Variants in SEMA5B observed in about 807,000 individuals in gnomAD.
The protein encoded by SEMA5B is semaphorin 5B.
SEMA5B carries 66 observed loss-of-function variants against 135.0 expected under a neutral mutation model. That is an observed-to-expected ratio of 0.49 (90% CI 0.40 to 0.60). SEMA5B has a LOEUF of 0.60. Among genes scored for constraint, SEMA5B ranks in the 20% least tolerant of loss-of-function variants. The pLI is 0.00. For missense variants in SEMA5B, 1,501 were observed against 1,566.3 expected, an observed-to-expected ratio of 0.96 and a Z score of 0.70; for synonymous variants, 690 against 639.5, an observed-to-expected ratio of 1.08 and a Z score of -1.19.
At chr3:123,017,191 A>T (rs1388102757) in intron 1 of SEMA5B, among the ~76,000 whole-genome samples, 1 of 152,048 alleles carries the variant, frequency 6.6e-6, no homozygotes, top group Non-Finnish European at 1.5e-5. Flanking sequence ...CCTGGCCCAG[A>T]TGCATTTTTT....
At chr3:122,993,986 G>A (rs1302066521) in intron 1 of SEMA5B, among the ~76,000 whole-genome samples, 1 of 151,732 alleles carries the variant, frequency 6.6e-6, no homozygotes, top group Non-Finnish European at 1.5e-5. Flanking sequence ...TTCTCCATAA[G>A]CCTCAGAAGC....
At chr3:122,983,774 G>A (rs960228945) in intron 1 of SEMA5B, among the ~76,000 whole-genome samples, 11 of 132,212 alleles carry the variant, frequency 8.3e-5, no homozygotes, top group Admixed American at 3.2e-4. Context: ...GGCTACTGAT[G>A]TTTACCAAAT....
At chr3:122,989,313 C>G (rs2107711295) in intron 1 of SEMA5B, among the ~76,000 whole-genome samples, 1 of 152,322 alleles carries the variant, frequency 6.6e-6, no homozygotes, top group Non-Finnish European at 1.5e-5. Flanking sequence ...GGGCTGTGAG[C>G]TGGGGTCTGC....
intron 1 of SEMA5B, among the ~76,000 whole-genome samples, chr3:122,980,494 C>A (rs1189364664): frequency 6.6e-6 from 1 of 151,138 alleles, no homozygotes; most frequent in Non-Finnish European, 1.5e-5. Context: ...AGGAAGCGCT[C>A]CCTGTTTCAG....
intron 4 of SEMA5B, among the ~76,000 whole-genome samples, chr3:122,943,071 C>T (rs1489251153): frequency 1.3e-5 from 2 of 152,206 alleles, no homozygotes; most frequent in Non-Finnish European, 2.9e-5. Context: ...CGGCAGGGGG[C>T]CCCTGGGCAC....
chr3:122,913,079 C>CCTG lies in SEMA5B; in HGVS notation c.2507-19_2507-18insCAG. On this transcript the variant is annotated intron_variant, in intron 17 of 22. Coordinates refer to ENST00000357599, the MANE Select transcript of SEMA5B (RefSeq NM_001031702.4). The stretch of plus-strand genomic sequence containing the variant: ...CACCAGGGCTGCGGAGGGGCTAGGC[C>CCTG]TCAGCGACTGGGCGCCCGGCCACCC... The CCTG allele has an allele frequency of 7.0e-7, 1 of 1,437,256 alleles. No homozygotes were observed. The highest frequency in any genetic ancestry group is 2.9e-5 in the Admixed American group (1 of 34,842). 89.0% of individuals were successfully genotyped at this position (1,437,256 alleles called of 1,614,324 possible).
intron 1 of SEMA5B, among the ~76,000 whole-genome samples, chr3:123,013,399 T>C (rs1272985957): frequency 6.6e-6 from 1 of 152,226 alleles, no homozygotes; most frequent in Admixed American, 6.5e-5. Flanking sequence ...CCGGTTCACT[T>C]GGTACCTTGA....
At chr3:122,985,567 G>A (rs1576391335) in intron 1 of SEMA5B, among the ~76,000 whole-genome samples, 1 of 152,142 alleles carries the variant, frequency 6.6e-6, no homozygotes, top group East Asian at 1.9e-4. Context: ...TTCTGTGAAA[G>A]TACTGGATCT....
intron 1 of SEMA5B, among the ~76,000 whole-genome samples, chr3:123,014,241 A>G (rs1942501674): frequency 6.6e-6 from 1 of 152,100 alleles, no homozygotes; most frequent in South Asian, 2.1e-4. Flanking sequence ...ACAGAGATGA[A>G]CTCAATGTGC....
At position 122,966,810 on chromosome 3, in the gene SEMA5B, G is replaced by A. The variant is rs553773394; in HGVS notation, c.-38-5509C>T. On this transcript the variant is annotated intron_variant, in intron 1 of 22. Transcript: ENST00000357599. ...CCTGACCTCGTGATCTGCCCGCCTC[G>A]GCCTCCCAAAGTGCTGGAATTACAG... Among the ~76,000 whole-genome samples the A allele has an allele frequency of 4.7e-4, 71 of 149,636 alleles. 1 individual carries two copies. In the South Asian group the frequency reaches 0.011, roughly 23 times the overall value.
chr3:122,984,984 T>A (rs1438677848), intron 1 of SEMA5B, among the ~76,000 whole-genome samples: 2 of 152,164 alleles, frequency 1.3e-5, no homozygotes, highest in Non-Finnish European at 2.9e-5. Flanking sequence ...ATGAATAAAG[T>A]GTCTAGGATA....
intron 1 of SEMA5B, among the ~76,000 whole-genome samples, chr3:122,977,486 G>C (rs1445825054): frequency 1.3e-5 from 2 of 152,164 alleles, no homozygotes; most frequent in Non-Finnish European, 2.9e-5. Context: ...GGCACTCCTA[G>C]AACTCAGTCC....
intron 13 of SEMA5B, 40 bp from the exon 14 acceptor site, chr3:122,915,661 G>C: frequency 6.2e-7 from 1 of 1,600,720 alleles, no homozygotes; most frequent in Non-Finnish European, 8.5e-7. Context: ...TATTACCCAA[G>C]CCAAGGGCAG....
intron 3 of SEMA5B, among the ~76,000 whole-genome samples, chr3:122,944,761 C>G (rs1939710758): frequency 1.3e-5 from 2 of 152,192 alleles, no homozygotes; most frequent in South Asian, 4.1e-4. Context: ...CGGTTTCCCT[C>G]CTGCTGGAGA....
intron 1 of SEMA5B, among the ~76,000 whole-genome samples, chr3:122,966,195 A>G (rs575454118): frequency 6.6e-6 from 1 of 152,274 alleles, no homozygotes; most frequent in East Asian, 1.9e-4. Context: ...TGCTCCAAAT[A>G]TGGCTCTTGG....
chr3:122,963,864 T>A (rs1389119357), intron 1 of SEMA5B, among the ~76,000 whole-genome samples: 2 of 152,208 alleles, frequency 1.3e-5, no homozygotes, highest in Non-Finnish European at 2.9e-5. Context: ...CTTTTCTTTC[T>A]GGTTCTTTCT....
At chr3:122,969,383 C>T (rs1255744612) in intron 1 of SEMA5B, among the ~76,000 whole-genome samples, 1 of 152,194 alleles carries the variant, frequency 6.6e-6, no homozygotes, top group Non-Finnish European at 1.5e-5. Context: ...AGGGATACCA[C>T]CCAGGTCTCC....
intron 1 of SEMA5B, among the ~76,000 whole-genome samples, chr3:123,001,155 C>T (rs1381087451): frequency 6.6e-6 from 1 of 152,124 alleles, no homozygotes; most frequent in Non-Finnish European, 1.5e-5. Flanking sequence ...GGGAAGAGAC[C>T]ATAAACTCAG....
chr3:122,918,949 C>A (rs1427102134), intron 12 of SEMA5B, among the ~76,000 whole-genome samples: 1 of 149,890 alleles, frequency 6.7e-6, no homozygotes. Flanking sequence ...AGTTTAGAGT[C>A]CTTTTCATAA....
Sources: allele counts gnomAD v4.1 joint callset (sites outside exome capture counted in the v4.1 genomes callset), GRCh38; gene constraint gnomAD v4.1.1; transcripts MANE v1.5; gene names NCBI Gene and HGNC (gene_info 2026-07-23, HGNC 2026-07-21).